PTBP3: variants seen among roughly 807,000 people sequenced by gnomAD.
PTBP3 encodes the protein polypyrimidine tract binding protein 3, also known as polypyrimidine tract-binding protein 3.
Under a neutral mutation model 58.7 loss-of-function variants are expected in PTBP3, and 20 were observed. The ratio of observed to expected loss-of-function variants is 0.34; its 90% confidence interval spans 0.24 to 0.50. PTBP3 has a LOEUF of 0.50. PTBP3 is among the 20% of genes least tolerant of loss of function. The pLI is 0.98. For missense variants in PTBP3, 509 were observed against 637.2 expected (o/e 0.80, Z 2.17); for synonymous variants, 185 against 219.8 (o/e 0.84, Z 1.40).
chr9:112,230,269 T>C (rs1835150828), intron 10 of PTBP3, among the ~76,000 whole-genome samples: 3 of 152,106 alleles, frequency 2.0e-5, no homozygotes, highest in South Asian at 4.1e-4. Context: ...GAGACTACAG[T>C]GAGCTATGAT....
chr9:112,268,929 C>T (rs1351984746), intron 3 of PTBP3, among the ~76,000 whole-genome samples: 2 of 152,054 alleles, frequency 1.3e-5, no homozygotes, highest in African/African-American at 2.4e-5. Flanking sequence ...GGCACAGTGG[C>T]TCAGGCCTGT....
chr9:112,224,103 T>A, intron 13 of PTBP3, 30 bp downstream of exon 13: 1 of 1,557,788 alleles, frequency 6.4e-7, no homozygotes, highest in South Asian at 1.2e-5. Context: ...TTAAATAATT[T>A]TAATGTATTT....
the PTBP3 span, among the ~76,000 whole-genome samples, chr9:112,342,064 G>C: frequency 6.6e-6 from 1 of 152,180 alleles, no homozygotes; most frequent in South Asian, 2.1e-4. Flanking sequence ...AATTGGCTGA[G>C]GGCCTGGATA....
intron 3 of PTBP3, among the ~76,000 whole-genome samples, chr9:112,275,314 T>C (rs1318240631): frequency 6.6e-6 from 1 of 152,116 alleles, no homozygotes; most frequent in African/African-American, 2.4e-5. Flanking sequence ...TTTGTATTTT[T>C]AGTAGAGACG....
At position 112,299,193 on chromosome 9, in the gene PTBP3, A is replaced by G. The variant is rs898434089; in HGVS notation, c.-51-1277T>C. Among the ~76,000 whole-genome samples, 31 of 152,330 alleles carry G rather than the reference A, an allele frequency of 2.0e-4. 1 individual carries two copies. The highest frequency in any genetic ancestry group is 1.7e-3 in the Admixed American group (26 of 15,306). ...GAATTTGGTTAAATGCATTACTAAC[A>G]GATATATCTTCCACACATATGAGTT... is the stretch of plus-strand genomic sequence containing the variant. On this transcript the variant is annotated intron_variant, in intron 1 of 13. Coordinates refer to ENST00000374257, the MANE Select transcript of PTBP3 (RefSeq NM_001163788.4).
At chr9:112,307,298 C>G (rs1310246014) in intron 1 of PTBP3, among the ~76,000 whole-genome samples, 1 of 151,990 alleles carries the variant, frequency 6.6e-6, no homozygotes, top group Non-Finnish European at 1.5e-5. Flanking sequence ...ACCAAAAACA[C>G]AAAAAATTAG....
At chr9:112,244,097 C>T (rs1835771122) in intron 7 of PTBP3, among the ~76,000 whole-genome samples, 1 of 151,372 alleles carries the variant, frequency 6.6e-6, no homozygotes, top group Non-Finnish European at 1.5e-5. Context: ...GTCAGGAGAT[C>T]AAGACCATCC....
chr9:112,346,033 G>A, the PTBP3 span, among the ~76,000 whole-genome samples: 8 of 149,432 alleles, frequency 5.4e-5, 1 homozygote, highest in African/African-American at 9.8e-5. Flanking sequence ...TTTTTGAGAC[G>A]GGGTTTCGCC....
the PTBP3 span, among the ~76,000 whole-genome samples, chr9:112,367,425 T>G: frequency 6.6e-6 from 1 of 152,186 alleles, no homozygotes; most frequent in African/African-American, 2.4e-5. Flanking sequence ...CAGGTTTTTT[T>G]GTTTGTGTTT....
upstream of PTBP3, among the ~76,000 whole-genome samples, chr9:112,336,502 TG>T (rs1277199200): frequency 6.8e-5 from 7 of 103,478 alleles, no homozygotes; most frequent in Non-Finnish European, 9.4e-5. Flanking sequence ...AAAATTTGGC[TG>T]GGCATGGTGG....
At position 112,314,841 on chromosome 9, in the gene PTBP3, T is replaced by C. The variant is rs141512696; in HGVS notation, c.-51-16925A>G. ...AGTCTGTCCCACTGACATTTTTTTT[T>C]TTTTTTTTGAGACGGACTCTTGCTC... On this transcript the variant is annotated intron_variant, in intron 1 of 13. Coordinates refer to ENST00000374257, the MANE Select transcript of PTBP3 (RefSeq NM_001163788.4). Among the ~76,000 whole-genome samples, 1,306 of 151,712 alleles carry C rather than the reference T, an allele frequency of 8.6e-3. 22 individuals carry two copies. The highest frequency in any genetic ancestry group is 0.03 in the African/African-American group (1,245 of 41,386).
the PTBP3 span, among the ~76,000 whole-genome samples, chr9:112,344,539 C>T: frequency 6.6e-6 from 1 of 152,290 alleles, no homozygotes; most frequent in South Asian, 2.1e-4. Context: ...ACTTCCCAGC[C>T]TCCAGAACTG....
chr9:112,322,589 A>C (rs2900540), intron 1 of PTBP3, among the ~76,000 whole-genome samples: 127,854 of 152,184 alleles, frequency 0.84, 53,998 homozygotes, highest in African/African-American at 0.92. Context: ...TAAAACTCAC[A>C]CTAAAGGCCT....
intron 12 of PTBP3, 42 bp from the exon 13 acceptor site, chr9:112,224,252 CTCAAGT>C: frequency 2.4e-6 from 3 of 1,251,766 alleles, no homozygotes; most frequent in Non-Finnish European, 3.3e-6. Context: ...GGGCCGCATT[CTCAAGT>C]GAAGCAGATT....
At chr9:112,246,133 C>T (rs1486185680) in intron 7 of PTBP3, among the ~76,000 whole-genome samples, 1 of 151,882 alleles carries the variant, frequency 6.6e-6, no homozygotes, top group Non-Finnish European at 1.5e-5. Context: ...CAGTCACGTG[C>T]CACCACGCCT....
At chr9:112,258,262 T>C (rs1001785501) in intron 5 of PTBP3, among the ~76,000 whole-genome samples, 3 of 152,210 alleles carry the variant, frequency 2.0e-5, no homozygotes, top group African/African-American at 2.4e-5. Flanking sequence ...AGCTACTTCT[T>C]TCATGCACAA....
chr9:112,369,019 C>T, the PTBP3 span, among the ~76,000 whole-genome samples: 2 of 152,188 alleles, frequency 1.3e-5, no homozygotes, highest in Non-Finnish European at 2.9e-5. Context: ...AGGTCTTGTG[C>T]CTGCAGATGC....
chr9:112,282,830 C>T (rs1827934822), intron 2 of PTBP3, among the ~76,000 whole-genome samples: 1 of 152,088 alleles, frequency 6.6e-6, no homozygotes, highest in African/African-American at 2.4e-5. Flanking sequence ...GTGTCCCCAC[C>T]CAAATCTCAT....
intron 4 of PTBP3, among the ~76,000 whole-genome samples, chr9:112,267,382 T>G (rs1836847394): frequency 6.6e-6 from 1 of 152,122 alleles, no homozygotes; most frequent in Non-Finnish European, 1.5e-5. Flanking sequence ...TTAGCCAGGA[T>G]GGTCTCGATC....
Sources: gnomAD v4.1 joint callset for allele counts (sites outside exome capture counted in the v4.1 genomes callset) on GRCh38, gnomAD v4.1.1 for gene constraint, MANE v1.5 for transcripts, NCBI Gene and HGNC (gene_info 2026-07-23, HGNC 2026-07-21) for gene names.